TIAM1: variants seen among roughly 807,000 people sequenced by gnomAD.
The protein encoded by TIAM1 is rho guanine nucleotide exchange factor TIAM1.
In TIAM1, 65 loss-of-function variants were observed where a neutral mutation model predicts 163.5. The observed-to-expected ratio is 0.40, with a 90% CI of 0.33 to 0.49. The LOEUF (loss-of-function observed/expected upper bound fraction) is 0.49, where lower values mean the gene tolerates loss of function less well. TIAM1 is among the 20% of genes least tolerant of loss of function. The pLI is 0.77. For missense variants in TIAM1, 1,789 were observed against 2,044.7 expected (o/e 0.87, Z 2.41); for synonymous variants, 833 against 810.1 (o/e 1.03, Z -0.48).
intron 16 of TIAM1, chr21:31,160,830 C>G (rs930234992): frequency 1.2e-5 from 3 of 258,048 alleles, no homozygotes; most frequent in African/African-American, 2.2e-5. Flanking sequence ...CCTGGCTAAA[C>G]AACAAAAGTT....
chr21:31,254,671 G>A (rs1253446516), intron 4 of TIAM1, among the ~76,000 whole-genome samples: 3 of 152,162 alleles, frequency 2.0e-5, no homozygotes, highest in Non-Finnish European at 4.4e-5. Context: ...CTGCACTCCA[G>A]CCTGGGCAAC....
At chr21:31,124,838 G>A (rs552580439) in intron 26 of TIAM1, 144 bp from the exon 27 acceptor site, 21 of 631,828 alleles carry the variant, frequency 3.3e-5, no homozygotes, top group African/African-American at 5.5e-5. Flanking sequence ...TATGCTGAGC[G>A]GTGATTTCAC....
In TIAM1 at chr21:31,187,062, T is replaced by C; in HGVS notation, c.2601A>G (p.Glu867=). ...TYGFSLSSVE[E]DGIRRLYVNS... ...TCACGTACAGCCTTCGAATACCATC[T>C]TCTTCCACAGAAGAAAGTGAAAACC... is the stretch of plus-strand genomic sequence containing the variant. Residue 867 remains glutamate, a synonymous_variant, in exon 14 of 28, where the codon GAA becomes GAG. Coordinates refer to ENST00000541036, the MANE Select transcript of TIAM1 (RefSeq NM_001353694.2). 6.2e-7 allele frequency: 1 copy of C among 1,614,138 alleles called. No individual in the cohort carries two copies. The highest frequency in any genetic ancestry group is 8.5e-7 in the Non-Finnish European group (1 of 1,179,990).
chr21:31,303,998 G>T (rs1014359964), intron 2 of TIAM1, among the ~76,000 whole-genome samples: 1 of 151,934 alleles, frequency 6.6e-6, no homozygotes, highest in Non-Finnish European at 1.5e-5. Flanking sequence ...AAAGAAAAGA[G>T]AAAGAAAAAG....
At chr21:31,353,932 G>A (rs545140660) in intron 2 of TIAM1, among the ~76,000 whole-genome samples, 29 of 131,606 alleles carry the variant, frequency 2.2e-4, no homozygotes, top group African/African-American at 7.6e-4. Flanking sequence ...TCTGCCTCCT[G>A]GGTTCAAGCG....
chr21:31,499,905 C>T (rs57472750), intron 1 of TIAM1, among the ~76,000 whole-genome samples: 4 of 150,382 alleles, frequency 2.7e-5, no homozygotes, highest in East Asian at 4.0e-4. Flanking sequence ...CAGTGGCTCA[C>T]GCCTGTAATC....
At chr21:31,513,665 A>G (rs1182470440) in intron 1 of TIAM1, among the ~76,000 whole-genome samples, 1 of 152,174 alleles carries the variant, frequency 6.6e-6, no homozygotes, top group African/African-American at 2.4e-5. Context: ...TACAGATACC[A>G]TGCCCTTCAG....
chr21:31,336,848 ATGGGG>A (rs1332692101), intron 2 of TIAM1, among the ~76,000 whole-genome samples: 1 of 152,172 alleles, frequency 6.6e-6, no homozygotes, highest in Non-Finnish European at 1.5e-5. Flanking sequence ...CAGGAGGCCA[ATGGGG>A]GTAACCAACA....
intron 1 of TIAM1, among the ~76,000 whole-genome samples, chr21:31,544,183 G>C (rs961479634): frequency 2.6e-5 from 4 of 151,798 alleles, no homozygotes; most frequent in Non-Finnish European, 5.9e-5. Flanking sequence ...ACTCCAGCCA[G>C]GGGGGCAGAG....
chr21:31,175,333 A>G (rs2146408526), intron 15 of TIAM1, among the ~76,000 whole-genome samples: 1 of 152,342 alleles, frequency 6.6e-6, no homozygotes. Flanking sequence ...GTGGAATTCT[A>G]GGGACAATCA....
At chr21:31,239,178 A>C (rs1016173463) in intron 6 of TIAM1, among the ~76,000 whole-genome samples, 1 of 152,168 alleles carries the variant, frequency 6.6e-6, no homozygotes, top group Non-Finnish European at 1.5e-5. Flanking sequence ...GCTGGAATGC[A>C]ATGGTGCAAC....
At chr21:31,433,653 T>G (rs2044116008) in intron 2 of TIAM1, among the ~76,000 whole-genome samples, 1 of 152,234 alleles carries the variant, frequency 6.6e-6, no homozygotes, top group African/African-American at 2.4e-5. Context: ...AATTATCCTT[T>G]AAGATGAGGG....
intron 2 of TIAM1, among the ~76,000 whole-genome samples, chr21:31,322,952 G>A (rs1026633398): frequency 3.9e-5 from 6 of 152,166 alleles, no homozygotes; most frequent in African/African-American, 1.4e-4. Context: ...GGAGTCCATG[G>A]TAGAACGCTG....
In TIAM1 at chr21:31,322,868, G is replaced by A. The variant is rs547504762; in HGVS notation, c.-189+16375C>T. Among the ~76,000 whole-genome samples, 12 of 152,306 alleles carry A rather than the reference G, an allele frequency of 7.9e-5. No homozygotes were observed. In the South Asian group the frequency reaches 8.3e-4, roughly 11 times the overall value. On this transcript the variant is annotated intron_variant, in intron 2 of 27. Coordinates refer to ENST00000541036, the MANE Select transcript of TIAM1 (RefSeq NM_001353694.2). ...CCACTGGTCACTTCAGCCAGGCGGG[G>A]CCCACTTCATGGTTTTCCCACAGAA...
chr21:31,369,997 A>C (rs1346019318), intron 2 of TIAM1, among the ~76,000 whole-genome samples: 2 of 152,116 alleles, frequency 1.3e-5, no homozygotes, highest in East Asian at 3.9e-4. Context: ...TGTCCTTATA[A>C]AGGGGGCCTA....
At chr21:31,404,508 T>C (rs1234751517) in intron 2 of TIAM1, among the ~76,000 whole-genome samples, 2 of 151,158 alleles carry the variant, frequency 1.3e-5, no homozygotes, top group African/African-American at 4.9e-5. Flanking sequence ...AAAAAGTGTA[T>C]GCCAAGCTAA....
chr21:31,392,236 G>C (rs532165207), intron 2 of TIAM1, among the ~76,000 whole-genome samples: 17 of 152,222 alleles, frequency 1.1e-4, no homozygotes, highest in Non-Finnish European at 1.9e-4. Context: ...ATGAAAACAC[G>C]GTATTTTAAG....
At chr21:31,440,861 C>A (rs2044393860) in intron 2 of TIAM1, among the ~76,000 whole-genome samples, 2 of 151,942 alleles carry the variant, frequency 1.3e-5, no homozygotes, top group Admixed American at 1.3e-4. Context: ...AGCCTGGCAA[C>A]AGAGTGAGAC....
At position 31,297,184 on chromosome 21, in the gene TIAM1, T is replaced by C. The variant is rs537168080; in HGVS notation, c.-188-20276A>G. On this transcript the variant is annotated intron_variant, in intron 2 of 27. Transcript: ENST00000541036. Reference sequence around the variant, plus strand: ...TCACATTATATAAAATTAGAGGGTATACTTGAAAACATTATGCTAATTGAA... The same window carrying C: ...TCACATTATATAAAATTAGAGGGTACACTTGAAAACATTATGCTAATTGAA... Among the ~76,000 whole-genome samples, 21 of 152,318 alleles carry C rather than the reference T, an allele frequency of 1.4e-4. No homozygotes were observed. In the South Asian group the frequency reaches 4.4e-3, roughly 32 times the overall value.
Sources: gnomAD v4.1 joint callset for allele counts (sites outside exome capture counted in the v4.1 genomes callset) on GRCh38, gnomAD v4.1.1 for gene constraint, MANE v1.5 for transcripts, NCBI Gene and HGNC (gene_info 2026-07-23, HGNC 2026-07-21) for gene names.